Variants in GPC3 observed in about 807,000 individuals in gnomAD.
GPC3 encodes glypican 3, also known as glypican-3.
GPC3 carries 3 observed loss-of-function variants against 34.4 expected under a neutral mutation model. The ratio of observed to expected loss-of-function variants is 0.09; its 90% CI spans 0.04 to 0.23. The LOEUF is 0.23. GPC3 is among the 10% of genes least tolerant of loss of function. GPC3 has a pLI of 1.00. For missense variants in GPC3, 351 were observed against 445.6 expected (o/e 0.79, Z 1.91); for synonymous variants, 177 against 174.0 (o/e 1.02, Z -0.13).
intron 2 of GPC3, among the ~76,000 whole-genome samples, chrX:133,921,503 A>C (rs1418795960): frequency 8.9e-6 from 1 of 112,698 alleles, no homozygotes; most frequent in African/African-American, 3.2e-5. Flanking sequence ...AAAGTGGTGC[A>C]GACAGGCTGA....
At chrX:133,905,778 G>T (rs192839042) in intron 2 of GPC3, among the ~76,000 whole-genome samples, 26 of 111,608 alleles carry the variant, frequency 2.3e-4, no homozygotes, top group African/African-American at 8.1e-4. Context: ...CAGAAACAAG[G>T]TGATACAAGA....
chrX:133,791,992 C>T (rs1284621401), intron 2 of GPC3, among the ~76,000 whole-genome samples: 1 of 107,767 alleles, frequency 9.3e-6, no homozygotes, highest in East Asian at 2.9e-4. Flanking sequence ...GTGATTCTCC[C>T]AACTCAGCCT....
intron 2 of GPC3, among the ~76,000 whole-genome samples, chrX:133,888,577 C>T (rs1174945017): frequency 2.7e-5 from 3 of 112,055 alleles, no homozygotes; most frequent in African/African-American, 9.7e-5. Context: ...ACAACCTCTC[C>T]AGCATCTGTT....
chrX:133,841,249 G>T (rs2075823284), intron 2 of GPC3, among the ~76,000 whole-genome samples: 1 of 26,135 alleles, frequency 3.8e-5, no homozygotes, highest in African/African-American at 7.2e-5. Flanking sequence ...GGTAGAGATG[G>T]GGTCTCCCTA....
At chrX:133,590,770 T>C (rs1262055158) in intron 7 of GPC3, among the ~76,000 whole-genome samples, 3 of 111,458 alleles carry the variant, frequency 2.7e-5, no homozygotes, top group African/African-American at 3.3e-5. Flanking sequence ...CTTTTCTATA[T>C]AGAACTATAG....
chrX:133,893,610 T>A (rs2076098297), intron 2 of GPC3, among the ~76,000 whole-genome samples: 2 of 111,298 alleles, frequency 1.8e-5, no homozygotes, highest in African/African-American at 6.5e-5. Context: ...TTCCAGCTCC[T>A]AGGTAGTAGC....
At chrX:133,879,541 A>G (rs1210048387) in intron 2 of GPC3, among the ~76,000 whole-genome samples, 3 of 111,523 alleles carry the variant, frequency 2.7e-5, no homozygotes, top group African/African-American at 9.8e-5. Flanking sequence ...GTGGTGGCTC[A>G]CACCTGTAAT....
At chrX:133,601,272 C>T (rs5933330) in intron 6 of GPC3, among the ~76,000 whole-genome samples, 25,551 of 111,515 alleles carry the variant, frequency 0.23, 3,154 homozygotes, top group East Asian at 0.52. Flanking sequence ...ACCCCTAATT[C>T]CCAAACTTTA....
chrX:133,643,087 C>T (rs2070499963), intron 6 of GPC3, among the ~76,000 whole-genome samples: 1 of 112,329 alleles, frequency 8.9e-6, no homozygotes, highest in East Asian at 2.8e-4. Context: ...AGTTCAGATG[C>T]ATGGGGGCTA....
chrX:133,918,797 G>C (rs2076235423), intron 2 of GPC3, among the ~76,000 whole-genome samples: 1 of 111,777 alleles, frequency 8.9e-6, no homozygotes, highest in Non-Finnish European at 1.9e-5. Context: ...CATTAGGAGG[G>C]CAATTTAAAT....
chrX:133,856,087 A>G (rs973367860), intron 2 of GPC3, among the ~76,000 whole-genome samples: 2 of 112,363 alleles, frequency 1.8e-5, no homozygotes, highest in African/African-American at 3.2e-5. Context: ...ATGAGAGTGC[A>G]GATATCTCTT....
At chrX:133,855,136 A>ATGT (rs2075893848) in intron 2 of GPC3, among the ~76,000 whole-genome samples, 1 of 110,947 alleles carries the variant, frequency 9.0e-6, no homozygotes, top group Non-Finnish European at 1.9e-5. Flanking sequence ...GATATTCCAG[A>ATGT]TGTTCTTTTT....
At chrX:133,754,686 C>G (rs970669136) in intron 2 of GPC3, among the ~76,000 whole-genome samples, 2 of 112,192 alleles carry the variant, frequency 1.8e-5, no homozygotes, top group African/African-American at 6.5e-5. Context: ...AGAATAAAAG[C>G]TATCACGAAT....
chrX:133,802,349 C>T (rs761824104), intron 2 of GPC3, among the ~76,000 whole-genome samples: 1 of 108,061 alleles, frequency 9.3e-6, no homozygotes, highest in Admixed American at 9.8e-5. Context: ...ATTATATTAA[C>T]AACAACAACA....
At chrX:133,921,571 G>C (rs2076247723) in intron 2 of GPC3, among the ~76,000 whole-genome samples, 1 of 111,969 alleles carries the variant, frequency 8.9e-6, no homozygotes, top group South Asian at 3.7e-4. Context: ...TCAAACCCCA[G>C]TTCCTATGTG....
intron 6 of GPC3, among the ~76,000 whole-genome samples, chrX:133,627,643 G>A (rs1031273650): frequency 2.7e-5 from 3 of 112,408 alleles, no homozygotes; most frequent in Non-Finnish European, 5.6e-5. Context: ...TTCAACAAAG[G>A]CCAACTTCTA....
chrX:133,671,050 T>C (rs965347036), intron 5 of GPC3: 40 of 560,124 alleles, frequency 7.1e-5, no homozygotes, highest in Non-Finnish European at 8.6e-5. Flanking sequence ...GTCATTGATG[T>C]CCTTGACCCC....
At chrX:133,670,605 C>T (rs2070816800) in intron 5 of GPC3, among the ~76,000 whole-genome samples, 1 of 111,826 alleles carries the variant, frequency 8.9e-6, no homozygotes. Flanking sequence ...CTTATGGACA[C>T]GATTCAGTAT....
chrX:133,985,301 T>C lies in GPC3; in HGVS notation c.149A>G (p.Lys50Arg). The change falls in exon 1 of 8, where the codon AAG becomes AGG. Residue 50 changes from lysine to arginine, a missense_variant. By Grantham distance (26) the Lys-to-Arg change is conservative. Transcript: ENST00000370818. ...TGGCACGGGAGTTTCTGGCACCCAC[T>C]TGAGTCCGGGCTGCAGTCTCTGGAA... The part of the protein sequence containing the change: ...SFFQRLQPGL[K>R]WVPETPVPGS... 8.3e-7 allele frequency: 1 copy of C among 1,210,850 alleles called. No homozygotes were observed. The highest frequency in any genetic ancestry group is 1.1e-6 in the Non-Finnish European group (1 of 895,008).
Sources: allele counts gnomAD v4.1 joint callset (sites outside exome capture counted in the v4.1 genomes callset), GRCh38; gene constraint gnomAD v4.1.1; transcripts MANE v1.5; gene names NCBI Gene and HGNC (gene_info 2026-07-23, HGNC 2026-07-21).